C8orf89: variants seen among roughly 807,000 people sequenced by gnomAD.
C8orf89 encodes putative uncharacterized protein C8orf89.
C8orf89 carries 14 observed loss-of-function variants against 15.8 expected under a neutral mutation model. That is an observed-to-expected ratio of 0.89 (90% confidence interval 0.59 to 1.39). The LOEUF (loss-of-function observed/expected upper bound fraction) is 1.39. C8orf89 is among the 40% of genes most tolerant of loss of function. The pLI, the probability that C8orf89 is intolerant of heterozygous loss-of-function variation, is 0.00. For missense variants in C8orf89, 181 were observed against 184.5 expected (o/e 0.98, Z 0.11); for synonymous variants, 55 against 62.2 (o/e 0.88, Z 0.54).
chr8:73,244,250 G>A (rs1211816194), intron 3 of C8orf89, among the ~76,000 whole-genome samples: 1 of 152,118 alleles, frequency 6.6e-6, no homozygotes, highest in Non-Finnish European at 1.5e-5. Context: ...TCTTTGTCAA[G>A]TACTTTACAT....
chr8:73,264,031 C>G (rs1377240474), upstream of C8orf89, among the ~76,000 whole-genome samples: 3 of 152,106 alleles, frequency 2.0e-5, no homozygotes, highest in African/African-American at 7.2e-5. Flanking sequence ...ACATGGAACT[C>G]ACGGTCAAAT....
chr8:73,269,172 G>A, the C8orf89 span, among the ~76,000 whole-genome samples: 2 of 152,176 alleles, frequency 1.3e-5, no homozygotes, highest in Admixed American at 1.3e-4. Flanking sequence ...CTGCTACACT[G>A]GCTAGGGCAA....
intron 3 of C8orf89, among the ~76,000 whole-genome samples, chr8:73,245,828 A>G (rs755965271): frequency 2.6e-4 from 39 of 152,246 alleles, no homozygotes; most frequent in Admixed American, 5.9e-4. Flanking sequence ...AGCCAATATT[A>G]AAAGATTCTC....
the C8orf89 span, among the ~76,000 whole-genome samples, chr8:73,265,357 C>T: frequency 3.9e-5 from 6 of 152,160 alleles, no homozygotes; most frequent in South Asian, 2.1e-4. Context: ...TTTTATTCTA[C>T]GTGCATCAAA....
the C8orf89 span, among the ~76,000 whole-genome samples, chr8:73,284,497 G>A: frequency 2.8e-4 from 43 of 152,006 alleles, no homozygotes; most frequent in Non-Finnish European, 4.3e-4. Context: ...ACAGGCGTGT[G>A]CCACCATGCC....
intron 2 of C8orf89, among the ~76,000 whole-genome samples, chr8:73,251,398 CA>C (rs1396347323): frequency 7.9e-5 from 12 of 152,260 alleles, no homozygotes; most frequent in African/African-American, 2.9e-4. Context: ...TACTTGCAGG[CA>C]ATTTGACATG....
rs200978975 is a variant in C8orf89, at chr8:73,250,956, AC to A, written c.282-634del. On this transcript the variant is annotated intron_variant, in intron 2 of 3. Coordinates refer to ENST00000624510, the MANE Select transcript of C8orf89 (RefSeq NM_001243237.3). ...TGGGATGGTAGCTGCATGTCACCAC[AC>A]AAGGCTAATTAAAAAAAAAAAGTTT... 8.5e-4 allele frequency among the ~76,000 whole-genome samples: 127 copies of A among 150,136 alleles called. 2 individuals carry two copies. In the East Asian group the frequency reaches 0.023, roughly 27 times the overall value.
At chr8:73,248,615 T>C (rs982546560) in intron 3 of C8orf89, among the ~76,000 whole-genome samples, 1 of 152,182 alleles carries the variant, frequency 6.6e-6, no homozygotes, top group Non-Finnish European at 1.5e-5. Flanking sequence ...TCTGATTTAT[T>C]TGAGCAGTGT....
chr8:73,274,057 C>A, the C8orf89 span, among the ~76,000 whole-genome samples: 1 of 151,892 alleles, frequency 6.6e-6, no homozygotes, highest in Admixed American at 6.6e-5. Flanking sequence ...TAACTATTTT[C>A]TCTTTTATAT....
the C8orf89 span, among the ~76,000 whole-genome samples, chr8:73,268,275 C>A: frequency 6.6e-6 from 1 of 151,948 alleles, no homozygotes; most frequent in African/African-American, 2.4e-5. Context: ...GTCAGGAGTT[C>A]GAGACCAGCC....
At chr8:73,257,323 G>A (rs1373649895) in intron 1 of C8orf89, among the ~76,000 whole-genome samples, 197 bp from the exon 2 acceptor site, 1 of 152,170 alleles carries the variant, frequency 6.6e-6, no homozygotes, top group East Asian at 1.9e-4. Context: ...AGTAGATTAA[G>A]GGGATGATTA....
the C8orf89 span, among the ~76,000 whole-genome samples, chr8:73,268,152 G>T: frequency 6.6e-6 from 1 of 152,146 alleles, no homozygotes; most frequent in East Asian, 1.9e-4. Flanking sequence ...TCCGTATAGG[G>T]GGTAGGGATA....
At chr8:73,283,790 A>G in the C8orf89 span, among the ~76,000 whole-genome samples, 7 of 152,166 alleles carry the variant, frequency 4.6e-5, no homozygotes, top group Admixed American at 2.0e-4. Flanking sequence ...CTGTAATCCC[A>G]GCAGTTTGGG....
the C8orf89 span, among the ~76,000 whole-genome samples, chr8:73,274,974 G>C: frequency 1.3e-5 from 2 of 152,122 alleles, no homozygotes; most frequent in Non-Finnish European, 2.9e-5. Flanking sequence ...GAATTGTTTA[G>C]AATTTTCTAA....
the C8orf89 span, among the ~76,000 whole-genome samples, chr8:73,280,990 G>C: frequency 1.3e-5 from 2 of 152,076 alleles, no homozygotes; most frequent in Non-Finnish European, 2.9e-5. Context: ...GAGTAAGATG[G>C]AGTGCAAGGA....
At chr8:73,259,929 G>A (rs929092954), upstream of C8orf89, among the ~76,000 whole-genome samples, 1 of 152,128 alleles carries the variant, frequency 6.6e-6, no homozygotes, top group Non-Finnish European at 1.5e-5. Context: ...CATCCAAAGA[G>A]TACAACCATG....
chr8:73,283,748 T>C, the C8orf89 span, among the ~76,000 whole-genome samples: 1 of 152,188 alleles, frequency 6.6e-6, no homozygotes, highest in South Asian at 2.1e-4. Context: ...TGTGTAAGAA[T>C]GTCTATTGTG....
At chr8:73,250,140 C>T (rs537437759) in intron 3 of C8orf89, 128 bp downstream of exon 3, 26 of 597,998 alleles carry the variant, frequency 4.3e-5, no homozygotes, top group African/African-American at 3.2e-4. Context: ...ATAAAATAAA[C>T]AAAGCTTAAA....
At chr8:73,253,481 T>G (rs1026215965) in intron 2 of C8orf89, among the ~76,000 whole-genome samples, 9 of 151,858 alleles carry the variant, frequency 5.9e-5, no homozygotes, top group Admixed American at 4.6e-4. Context: ...AGAAAGTCAT[T>G]GGTAGCTTGA....
Sources: gnomAD v4.1 joint callset for allele counts (sites outside exome capture counted in the v4.1 genomes callset) on GRCh38, gnomAD v4.1.1 for gene constraint, MANE v1.5 for transcripts, NCBI Gene and HGNC (gene_info 2026-07-23, HGNC 2026-07-21) for gene names.